The following CADPS2 variants were observed in gnomAD, a reference collection of about 807,000 sequenced individuals.
CADPS2 encodes the protein calcium dependent secretion activator 2.
CADPS2 carries 93 observed loss-of-function variants against 172.5 expected under a neutral mutation model. The observed-to-expected ratio is 0.54, with a 90% CI of 0.46 to 0.64. CADPS2 has a LOEUF of 0.64. Among genes scored for constraint, CADPS2 ranks in the 30% least tolerant of loss-of-function variants. The pLI is 0.00. For missense variants in CADPS2, 1,420 were observed against 1,565.9 expected (o/e 0.91, Z 1.57); for synonymous variants, 546 against 555.2 (o/e 0.98, Z 0.23).
chr7:122,448,687 T>C lies in CADPS2; in HGVS notation c.2288+2687A>G, dbSNP rs148154099. 4.3e-3 allele frequency among the ~76,000 whole-genome samples: 653 copies of C among 152,238 alleles called. 22 individuals carry two copies. The highest frequency in any genetic ancestry group is 0.04 in the Admixed American group (609 of 15,280). On this transcript the variant is annotated intron_variant, in intron 15 of 29. Coordinates refer to ENST00000449022, the MANE Select transcript of CADPS2 (RefSeq NM_017954.11). ...TCTAACTCAATATAGCAATCCCATG[T>C]CCATGTCAGTGACTGATTGAGGCAT...
At chr7:122,420,486 C>T (rs542105058) in intron 17 of CADPS2, among the ~76,000 whole-genome samples, 2 of 152,282 alleles carry the variant, frequency 1.3e-5, no homozygotes, top group Admixed American at 6.5e-5. Context: ...CTGTGTATCC[C>T]GTCTCTGGTT....
intron 6 of CADPS2, among the ~76,000 whole-genome samples, chr7:122,589,400 T>C (rs1191501634): frequency 6.6e-6 from 1 of 151,952 alleles, no homozygotes; most frequent in Non-Finnish European, 1.5e-5. Flanking sequence ...TGTACAAATG[T>C]TTTTAAAAAT....
At chr7:122,734,612 CAT>C (rs769679877) in intron 2 of CADPS2, among the ~76,000 whole-genome samples, 2 of 151,638 alleles carry the variant, frequency 1.3e-5, no homozygotes, top group East Asian at 1.9e-4. Flanking sequence ...ATAAATAAAA[CAT>C]AAAGATCATG....
In CADPS2 at chr7:122,636,554, G is replaced by A. The variant is rs188250077; in HGVS notation, c.787-7226C>T. On this transcript the variant is annotated intron_variant, in intron 3 of 29. Transcript: ENST00000449022. ...AATCTTGGCTCACTGCAATCTCCGC[G>A]TCCCAGGTTCAAGCAATTCTCCTGC... Among the ~76,000 whole-genome samples the A allele has an allele frequency of 4.3e-4, 62 of 145,046 alleles. 1 individual carries two copies. Among genetic ancestry groups the A allele is most frequent in the African/African-American group, 1.2e-3 (45 of 38,922 alleles).
chr7:122,598,896 G>A (rs768892322), intron 6 of CADPS2, among the ~76,000 whole-genome samples: 5 of 152,040 alleles, frequency 3.3e-5, no homozygotes, highest in Non-Finnish European at 5.9e-5. Context: ...TAAAAAGAGA[G>A]ACAACTAGAG....
At chr7:122,499,535 A>G (rs1370493837) in intron 9 of CADPS2, among the ~76,000 whole-genome samples, 1 of 152,154 alleles carries the variant, frequency 6.6e-6, no homozygotes, top group African/African-American at 2.4e-5. Flanking sequence ...TCTTAATATT[A>G]CCTTTAAGAC....
At chr7:122,362,727 A>G (rs1241176637) in intron 25 of CADPS2, among the ~76,000 whole-genome samples, 1 of 152,234 alleles carries the variant, frequency 6.6e-6, no homozygotes, top group African/African-American at 2.4e-5. Flanking sequence ...TTTTGTTCAC[A>G]TAGCAGCTTC....
intron 1 of CADPS2, among the ~76,000 whole-genome samples, chr7:122,879,580 T>C (rs1822317717): frequency 6.6e-6 from 1 of 151,618 alleles, no homozygotes; most frequent in African/African-American, 2.4e-5. Flanking sequence ...AGAAAAGAAA[T>C]GGGGAAAAGG....
intron 1 of CADPS2, among the ~76,000 whole-genome samples, chr7:122,870,743 A>C (rs1032837759): frequency 6.6e-6 from 1 of 152,020 alleles, no homozygotes; most frequent in Non-Finnish European, 1.5e-5. Context: ...AGACATACAC[A>C]ATTATTTGTC....
chr7:122,730,749 T>C (rs1487003138), intron 2 of CADPS2, among the ~76,000 whole-genome samples: 2 of 151,694 alleles, frequency 1.3e-5, no homozygotes, highest in Non-Finnish European at 3.0e-5. Context: ...TCTCTTTTTA[T>C]AATGTACTAT....
intron 12 of CADPS2, among the ~76,000 whole-genome samples, chr7:122,477,946 T>C (rs573535865): frequency 6.6e-6 from 1 of 152,328 alleles, no homozygotes; most frequent in African/African-American, 2.4e-5. Flanking sequence ...CTCCCTGCCA[T>C]CTTTCACTTT....
At chr7:122,681,341 T>C (rs2083013008) in intron 2 of CADPS2, 6 of 1,408,700 alleles carry the variant, frequency 4.3e-6, no homozygotes, top group Non-Finnish European at 4.0e-6. Flanking sequence ...GGAACAATGG[T>C]CGTGCCAAAA....
intron 1 of CADPS2, among the ~76,000 whole-genome samples, chr7:122,738,803 A>C (rs1438360028): frequency 1.3e-5 from 2 of 151,768 alleles, no homozygotes; most frequent in Admixed American, 1.3e-4. Flanking sequence ...GCTGGGAGTA[A>C]CAGACTGATT....
intron 1 of CADPS2, among the ~76,000 whole-genome samples, chr7:122,769,080 G>A (rs1215819482): frequency 1.3e-5 from 2 of 152,186 alleles, no homozygotes; most frequent in African/African-American, 4.8e-5. Context: ...GACCACAAGA[G>A]TTTCAGAGAA....
At chr7:122,673,723 A>G (rs1041974095) in intron 2 of CADPS2, among the ~76,000 whole-genome samples, 5 of 152,252 alleles carry the variant, frequency 3.3e-5, no homozygotes. Context: ...CCAAGTCCCC[A>G]CTGGACTCAG....
At chr7:122,821,901 T>C (rs1803410962) in intron 1 of CADPS2, among the ~76,000 whole-genome samples, 2 of 151,414 alleles carry the variant, frequency 1.3e-5, no homozygotes, top group African/African-American at 4.9e-5. Flanking sequence ...CCATTTAAGC[T>C]CCTGTATAGA....
At chr7:122,693,508 A>G (rs1382024377) in intron 2 of CADPS2, among the ~76,000 whole-genome samples, 4 of 152,216 alleles carry the variant, frequency 2.6e-5, no homozygotes, top group Non-Finnish European at 5.9e-5. Flanking sequence ...TTGTGTGCAC[A>G]CTGGAATACC....
At chr7:122,602,991 C>T (rs2073010696) in intron 6 of CADPS2, among the ~76,000 whole-genome samples, 1 of 152,008 alleles carries the variant, frequency 6.6e-6, no homozygotes, top group Non-Finnish European at 1.5e-5. Context: ...TTACTGTCAA[C>T]AACTGCAGGC....
intron 9 of CADPS2, among the ~76,000 whole-genome samples, chr7:122,512,511 G>C (rs1433221164): frequency 6.6e-6 from 1 of 152,024 alleles, no homozygotes; most frequent in African/African-American, 2.4e-5. Context: ...AGTTATCCAT[G>C]ACTACAAAAG....
Sources: allele counts gnomAD v4.1 joint callset (sites outside exome capture counted in the v4.1 genomes callset), GRCh38; gene constraint gnomAD v4.1.1; transcripts MANE v1.5; gene names NCBI Gene and HGNC (gene_info 2026-07-23, HGNC 2026-07-21).